MFSD11: variants seen among roughly 807,000 people sequenced by gnomAD.
MFSD11 encodes the protein major facilitator superfamily domain containing 11.
MFSD11 carries 36 observed loss-of-function variants against 53.5 expected under a neutral mutation model. That is an observed-to-expected ratio of 0.67 (90% confidence interval 0.52 to 0.89). The LOEUF (loss-of-function observed/expected upper bound fraction) is 0.89. MFSD11 is among the 40% of genes least tolerant of loss of function. The pLI, the probability that MFSD11 is intolerant of heterozygous loss-of-function variation, is 0.00. For missense variants in MFSD11, 530 were observed against 543.9 expected (o/e 0.97, Z 0.25); for synonymous variants, 186 against 184.9 (o/e 1.01, Z -0.05).
At chr17:76,798,035 C>T in the MFSD11 span, among the ~76,000 whole-genome samples, 10 of 151,942 alleles carry the variant, frequency 6.6e-5, no homozygotes, top group East Asian at 1.9e-3. Context: ...AGGTGCGCAC[C>T]ACCACGCCCG....
chr17:76,774,280 C>T (rs534623742), intron 10 of MFSD11, among the ~76,000 whole-genome samples: 2 of 151,878 alleles, frequency 1.3e-5, no homozygotes, highest in South Asian at 2.1e-4. Context: ...AAAAAGACAG[C>T]GTCTTGCTAT....
intron 9 of MFSD11, 63 bp downstream of exon 9, chr17:76,767,514 G>A (rs2080961385): frequency 9.7e-7 from 1 of 1,029,490 alleles, no homozygotes; most frequent in Admixed American, 2.0e-5. Flanking sequence ...TTGAAAACGA[G>A]CCACGTTATT....
chr17:76,793,791 T>C, the MFSD11 span, among the ~76,000 whole-genome samples: 1 of 151,642 alleles, frequency 6.6e-6, no homozygotes, highest in African/African-American at 2.4e-5. Context: ...ATCCGTGTTC[T>C]TCTGCCATGG....
intron 8 of MFSD11, among the ~76,000 whole-genome samples, chr17:76,764,314 AT>A (rs201798820): frequency 0.032 from 4,809 of 152,204 alleles, 251 homozygotes; most frequent in African/African-American, 0.11. Context: ...ATAGAGTGTT[AT>A]TAACTGTCAA....
At chr17:76,753,528 CTGGGTGTGG>C (rs1485077351) in intron 7 of MFSD11, among the ~76,000 whole-genome samples, 1 of 151,826 alleles carries the variant, frequency 6.6e-6, no homozygotes, top group East Asian at 1.9e-4. Flanking sequence ...AAAAAATTAT[CTGGGTGTGG>C]TGGGACCCAC....
intron 2 of MFSD11, among the ~76,000 whole-genome samples, chr17:76,740,270 A>G (rs1598467288): frequency 6.6e-6 from 1 of 152,160 alleles, no homozygotes; most frequent in Non-Finnish European, 1.5e-5. Flanking sequence ...ATTTATGAAT[A>G]GTATCTAGTA....
downstream of MFSD11, among the ~76,000 whole-genome samples, chr17:76,782,772 C>T (rs1054056617): frequency 3.3e-5 from 5 of 152,022 alleles, no homozygotes; most frequent in African/African-American, 4.8e-5. Context: ...GCCCACCACG[C>T]GGGGCTGCTT....
upstream of MFSD11, chr17:76,737,107 C>T (rs1230550019): frequency 6.2e-7 from 1 of 1,609,992 alleles, no homozygotes. Context: ...TCAGGTTGTC[C>T]ACCTTGAGGG....
intron 8 of MFSD11, among the ~76,000 whole-genome samples, chr17:76,763,045 CA>C (rs2080444636): frequency 6.6e-6 from 1 of 152,080 alleles, no homozygotes; most frequent in South Asian, 2.1e-4. Context: ...TGAACTCCCC[CA>C]ATGGTAATAC....
At chr17:76,790,116 C>T in the MFSD11 span, among the ~76,000 whole-genome samples, 2 of 140,774 alleles carry the variant, frequency 1.4e-5, no homozygotes, top group Admixed American at 7.3e-5. Flanking sequence ...GAGTCTCACT[C>T]TGTTGCCCAG....
chr17:76,794,252 G>A, the MFSD11 span, among the ~76,000 whole-genome samples: 1 of 151,288 alleles, frequency 6.6e-6, no homozygotes, highest in African/African-American at 2.5e-5. Flanking sequence ...GGGAGGCTGA[G>A]GTGGGTGGAT....
intron 6 of MFSD11, 34 bp downstream of exon 6, chr17:76,743,490 G>A: frequency 6.4e-6 from 9 of 1,410,252 alleles, no homozygotes; most frequent in Non-Finnish European, 8.7e-6. Context: ...ATTCAGATAT[G>A]TTCAAAGCAT....
rs1412174032 is a variant in MFSD11 at position 76,776,097 on chromosome 17, G to T, written c.1050-309G>T. Among the ~76,000 whole-genome samples the T allele has an allele frequency of 6.6e-6, 1 of 152,126 alleles. No individual in the cohort carries two copies. The highest frequency in any genetic ancestry group is 1.5e-5 in the Non-Finnish European group (1 of 68,024). ...GGGTTCAAGTGATTCTCGTGTCTCA[G>T]CCTCCCGAGTAGCTGGGATTACAGG... On this transcript the variant is annotated intron_variant, in intron 11 of 12. Coordinates refer to ENST00000685175, the MANE Select transcript of MFSD11 (RefSeq NM_001242532.5). This position sits in a 1 kb window ranked among gnomAD's most constrained non-coding sequence, Gnocchi z 4.2.
intron 8 of MFSD11, among the ~76,000 whole-genome samples, chr17:76,758,986 T>C (rs1329452066): frequency 1.3e-5 from 2 of 152,158 alleles, no homozygotes; most frequent in Non-Finnish European, 1.5e-5. Context: ...GGCTCACACC[T>C]GTAATACCAG....
At chr17:76,737,228 C>T (rs140374091), upstream of MFSD11, 17,101 of 1,465,320 alleles carry the variant, frequency 0.012, 140 homozygotes, top group Non-Finnish European at 0.014. Flanking sequence ...CGGTGCGACG[C>T]CGCGCCTCTC....
chr17:76,791,640 C>T, the MFSD11 span, among the ~76,000 whole-genome samples: 1 of 148,698 alleles, frequency 6.7e-6, no homozygotes, highest in East Asian at 1.9e-4. Context: ...GCTGGCTCTC[C>T]TCCCACAGGT....
At chr17:76,758,852 C>T (rs771959384) in intron 8 of MFSD11, among the ~76,000 whole-genome samples, 12 of 152,118 alleles carry the variant, frequency 7.9e-5, no homozygotes, top group Non-Finnish European at 1.5e-4. Context: ...CTACCCCCCA[C>T]ACACAGTTGA....
downstream of MFSD11, among the ~76,000 whole-genome samples, chr17:76,784,520 A>G (rs921556203): frequency 6.6e-6 from 1 of 151,570 alleles, no homozygotes; most frequent in Admixed American, 6.6e-5. Flanking sequence ...CGACAGAGTG[A>G]GACTCCATCT....
Position 76,769,642 on chromosome 17 carries a change from T to C in MFSD11, c.749-104T>C, listed in dbSNP as rs73999411. 6.9e-3 allele frequency: 5,629 copies of C among 816,766 alleles called. 203 individuals carry two copies. The African/African-American group carries it at 0.085, about 12-fold the overall frequency. 50.6% of individuals were successfully genotyped at this position (816,766 alleles called of 1,614,324 possible). On this transcript the variant is annotated intron_variant, in intron 9 of 12. Coordinates refer to ENST00000685175, the MANE Select transcript of MFSD11 (RefSeq NM_001242532.5). The stretch of plus-strand genomic sequence containing the variant: ...AATATTTCAGTCTCTGTGAGTTTTA[T>C]GTGTTTTACTACGCAAGTATTCTTT...
Sources: gnomAD v4.1 joint callset for allele counts (sites outside exome capture counted in the v4.1 genomes callset) on GRCh38, gnomAD v4.1.1 for gene constraint, Gnocchi (gnomAD v3.1) non-coding constraint, MANE v1.5 for transcripts, NCBI Gene and HGNC (gene_info 2026-07-23, HGNC 2026-07-21) for gene names.